MAP2: variants seen among roughly 807,000 people sequenced by gnomAD.
The protein encoded by MAP2 is microtubule associated protein 2, also known as microtubule-associated protein 2.
A neutral mutation model predicts 137.6 loss-of-function variants in MAP2; 14 were observed. The ratio of observed to expected loss-of-function variants is 0.10; its 90% CI spans 0.07 to 0.16. The LOEUF is 0.16. MAP2 is among the 10% of genes least tolerant of loss of function. MAP2 has a pLI of 1.00. For synonymous variants in MAP2, 786 were observed against 782.3 expected (o/e 1.00, Z -0.08); for missense variants, 2,088 against 2,191.5 (o/e 0.95, Z 0.94).
At chr2:209,437,054 C>G (rs888759725) in intron 1 of MAP2, among the ~76,000 whole-genome samples, 2 of 151,642 alleles carry the variant, frequency 1.3e-5, no homozygotes, top group Non-Finnish European at 1.5e-5. Context: ...ATTGTACTAT[C>G]AAATTAGGAC....
intron 2 of MAP2, among the ~76,000 whole-genome samples, chr2:209,512,299 A>T (rs2061829886): frequency 6.6e-6 from 1 of 152,008 alleles, no homozygotes; most frequent in Non-Finnish European, 1.5e-5. Flanking sequence ...TAATAAATAA[A>T]TTACATTTTA....
At chr2:209,530,976 A>G (rs571248858) in intron 2 of MAP2, among the ~76,000 whole-genome samples, 1 of 152,284 alleles carries the variant, frequency 6.6e-6, no homozygotes, top group East Asian at 1.9e-4. Context: ...CAAACAGTAT[A>G]TTTAGCTGCT....
intron 2 of MAP2, among the ~76,000 whole-genome samples, chr2:209,562,359 C>G (rs1364670336): frequency 6.6e-6 from 1 of 150,932 alleles, no homozygotes; most frequent in East Asian, 1.9e-4. Context: ...GCATATGAGT[C>G]ACAAAGGTAG....
chr2:209,473,622 A>G (rs1466941000), intron 1 of MAP2, among the ~76,000 whole-genome samples: 4 of 152,100 alleles, frequency 2.6e-5, no homozygotes, highest in East Asian at 1.9e-4. Flanking sequence ...AGATAAAGAT[A>G]AAACAGAGAT....
chr2:209,586,241 G>A (rs1310439256), intron 3 of MAP2, among the ~76,000 whole-genome samples: 1 of 152,026 alleles, frequency 6.6e-6, no homozygotes, highest in East Asian at 1.9e-4. Context: ...CAAAGGCAGG[G>A]GCAGGTAGAG....
intron 6 of MAP2, among the ~76,000 whole-genome samples, chr2:209,679,803 G>A (rs574816104): frequency 8.2e-4 from 124 of 151,994 alleles, no homozygotes; most frequent in African/African-American, 2.5e-3. Context: ...TTCCTTGAAA[G>A]AAAAGAAAAC....
chr2:209,684,952 G>T (rs2056426737), intron 7 of MAP2, among the ~76,000 whole-genome samples: 1 of 151,330 alleles, frequency 6.6e-6, no homozygotes, highest in African/African-American at 2.4e-5. Context: ...CTGACAACTT[G>T]TCTGAGTACA....
intron 10 of MAP2, among the ~76,000 whole-genome samples, chr2:209,697,799 G>A (rs2060617955): frequency 6.6e-6 from 1 of 152,068 alleles, no homozygotes; most frequent in Non-Finnish European, 1.5e-5. Flanking sequence ...TTCCTTTTAG[G>A]AGGAACTTCA....
At position 209,586,066 on chromosome 2, in the gene MAP2, C is replaced by G. The variant is rs113363795; in HGVS notation, c.-107+5966C>G. ...TCTAACTAGTCAAATCGTGGAGACA[C>G]AAACAAGATCTTGAGAAATGAATGA... On this transcript the variant is annotated intron_variant, in intron 3 of 15. Coordinates refer to ENST00000682079, the MANE Select transcript of MAP2 (RefSeq NM_001375505.1). 9.2e-3 allele frequency among the ~76,000 whole-genome samples: 1,400 copies of G among 152,044 alleles called. 23 individuals are homozygous for G. Among genetic ancestry groups the G allele is most frequent in the African/African-American group, 0.031 (1,295 of 41,472 alleles).
Position 209,705,454 on chromosome 2 carries a change from A to T in MAP2, c.4585-126A>T, listed in dbSNP as rs2063128059. On this transcript the variant is annotated intron_variant, in intron 11 of 15. Transcript: ENST00000682079. ...AGTAGAAATGTTTATAAATATATGA[A>T]ATCCAGTAGTTTGTATTAAAAGAAA... 6.3e-6 allele frequency: 4 copies of T among 630,266 alleles called. No individual in the cohort carries two copies. In the Admixed American group the frequency reaches 1.5e-4, roughly 23 times the overall value. The allele number at this position is 630,266 out of a possible 1,614,324, so 39.0% of individuals were successfully genotyped here.
chr2:209,492,927 A>G (rs2059302203), intron 1 of MAP2, among the ~76,000 whole-genome samples: 1 of 152,212 alleles, frequency 6.6e-6, no homozygotes, highest in African/African-American at 2.4e-5. Context: ...TCACAGAATT[A>G]GGAAAAAGCT....
At chr2:209,569,323 A>C (rs1385418815) in intron 2 of MAP2, among the ~76,000 whole-genome samples, 1 of 151,036 alleles carries the variant, frequency 6.6e-6, no homozygotes, top group Non-Finnish European at 1.5e-5. Context: ...TCAGTGTTTC[A>C]GTGTTCATGC....
rs571094322 is a variant in MAP2, at chr2:209,457,768, TG to T, written c.-222+33497del. On this transcript the variant is annotated intron_variant, in intron 1 of 15. Transcript: ENST00000682079. ...CGTTCTAGAGATAGGGACATGGAGATGGGGGATTATAGCCCAGGTTGTGTCC... is the reference window on the plus strand; with the variant it reads ...CGTTCTAGAGATAGGGACATGGAGATGGGGATTATAGCCCAGGTTGTGTCC... Among the ~76,000 whole-genome samples the T allele has an allele frequency of 7.2e-5, 11 of 152,248 alleles. No homozygotes were observed. The South Asian group carries it at 2.3e-3, about 32-fold the overall frequency.
intron 3 of MAP2, among the ~76,000 whole-genome samples, chr2:209,617,565 C>T (rs529661674): frequency 1.3e-5 from 2 of 152,082 alleles, no homozygotes; most frequent in Non-Finnish European, 2.9e-5. Context: ...CTCAGAGAAG[C>T]CTGGCTAAAG....
chr2:209,616,188 G>A (rs186078713), intron 3 of MAP2, among the ~76,000 whole-genome samples: 9,059 of 152,230 alleles, frequency 0.06, 624 homozygotes, highest in South Asian at 0.23. Flanking sequence ...CCAGCTTGTG[G>A]CCTTGGCACA....
At chr2:209,633,413 T>C (rs903894043) in intron 4 of MAP2, among the ~76,000 whole-genome samples, 1 of 152,178 alleles carries the variant, frequency 6.6e-6, no homozygotes, top group African/African-American at 2.4e-5. Context: ...GTTGGTGAAG[T>C]CTCAAAGGCA....
Position 209,648,244 on chromosome 2 carries a change from G to A in MAP2, c.-29-4898G>A, listed in dbSNP as rs529555959. ...AGCCTCCCAAGTAGCTGGAACTACA[G>A]GCACACACCACCACACCCAGCTAAT... is the stretch of plus-strand genomic sequence containing the variant. On this transcript the variant is annotated intron_variant, in intron 4 of 15. Coordinates refer to ENST00000682079, the MANE Select transcript of MAP2 (RefSeq NM_001375505.1). Among the ~76,000 whole-genome samples the A allele has an allele frequency of 5.1e-4, 77 of 151,910 alleles. 1 individual carries two copies. The East Asian group carries it at 0.014, about 28-fold the overall frequency.
chr2:209,569,966 A>G (rs1371411354), intron 2 of MAP2, among the ~76,000 whole-genome samples: 1 of 151,836 alleles, frequency 6.6e-6, no homozygotes, highest in Non-Finnish European at 1.5e-5. Flanking sequence ...TTGCACTCAT[A>G]TATTCTATAT....
At chr2:209,496,743 A>C (rs1426607303) in intron 1 of MAP2, among the ~76,000 whole-genome samples, 8 of 152,038 alleles carry the variant, frequency 5.3e-5, no homozygotes, top group Non-Finnish European at 1.2e-4. Flanking sequence ...TACACTCTCA[A>C]AATTCTCTTG....
Sources: allele counts gnomAD v4.1 joint callset (sites outside exome capture counted in the v4.1 genomes callset), GRCh38; gene constraint gnomAD v4.1.1; transcripts MANE v1.5; gene names NCBI Gene and HGNC (gene_info 2026-07-23, HGNC 2026-07-21).